ACTN4: variants seen among roughly 807,000 people sequenced by gnomAD.
ACTN4 encodes alpha-actinin-4.
A neutral mutation model predicts 114.2 loss-of-function variants in ACTN4; 18 were observed. The ratio of observed to expected loss-of-function variants is 0.16; its 90% CI spans 0.11 to 0.23. ACTN4 has a LOEUF of 0.23. Among genes scored for constraint, ACTN4 ranks in the 10% least tolerant of loss-of-function variants. ACTN4 has a pLI of 1.00. For synonymous variants in ACTN4, 515 were observed against 506.3 expected (o/e 1.02, Z -0.23); for missense variants, 722 against 1,262.9 (o/e 0.57, Z 6.49).
intron 1 of ACTN4, among the ~76,000 whole-genome samples, chr19:38,690,105 A>G (rs1253214679): frequency 6.6e-6 from 1 of 152,250 alleles, no homozygotes; most frequent in African/African-American, 2.4e-5. Flanking sequence ...AGGAGGGACA[A>G]TGATTGGGAT....
chr19:38,728,445 T>TCCTCCTCCTCCTCCTCCC, intron 19 of ACTN4: 2 of 828,870 alleles, frequency 2.4e-6, no homozygotes, highest in Non-Finnish European at 3.1e-6. Flanking sequence ...CTCCTCCTCC[T>TCCTCCTCCTCCTCCTCCC]CCTCCCCCCC....
rs1205931390 is a variant in ACTN4, at chr19:38,717,776, C to G, written c.1144-151C>G. 2.9e-6 allele frequency: 3 copies of G among 1,030,808 alleles called. No individual in the cohort carries two copies. Among genetic ancestry groups the G allele is most frequent in the African/African-American group, 3.2e-5 (2 of 63,158 alleles). 63.9% of individuals were successfully genotyped at this position (1,030,808 alleles called of 1,614,324 possible). A position where few individuals can be genotyped will look rare whatever the true frequency, so the allele number is the denominator to read the frequency against. ...TTGTACCTGCTGAGTGCTGGGGGGCCCTGTGTAGGCATCCAGGTATAATAG... is the reference window on the plus strand; with the variant it reads ...TTGTACCTGCTGAGTGCTGGGGGGCGCTGTGTAGGCATCCAGGTATAATAG... On this transcript the variant is annotated intron_variant, in intron 10 of 20. Transcript: ENST00000252699. The surrounding 1 kb of genome is among the most constrained non-coding windows in gnomAD (Gnocchi z 4.0).
Position 38,729,313 on chromosome 19 carries a change from C to T in ACTN4, c.2617C>T (p.Pro873Ser), listed in dbSNP as rs771969423. ...TGAGGAGCTGCGGAGAGAGCTGCCC[C>T]CCGACCAGGCCGAGTACTGCATCGC... ...TAEELRRELP[P>S]DQAEYCIARM... Residue 873 changes from proline to serine, a missense_variant, in exon 21 of 21, where the codon CCC becomes TCC. Transcript: ENST00000252699. 19 of 1,612,870 alleles carry T rather than the reference C, an allele frequency of 1.2e-5. No individual in the cohort carries two copies. The highest frequency in any genetic ancestry group is 1.5e-5 in the Non-Finnish European group (18 of 1,180,004).
In ACTN4 at chr19:38,729,768, G is replaced by C. The variant is rs1187422528; in HGVS notation, c.*336G>C. 3.9e-5 allele frequency: 20 copies of C among 516,890 alleles called. No homozygotes were observed. The Admixed American group carries it at 4.6e-4, about 12-fold the overall frequency. The allele number at this position is 516,890 out of a possible 1,614,324, so 32.0% of individuals were successfully genotyped here. A position where few individuals can be genotyped will look rare whatever the true frequency, so the allele number is the denominator to read the frequency against. Reference sequence around the variant, plus strand: ...GCCCTGGGATGCCTCACCACACCCAGGTCTCTTCCTTTGCTCTGAGGTCCC... The same window carrying C: ...GCCCTGGGATGCCTCACCACACCCACGTCTCTTCCTTTGCTCTGAGGTCCC... On this transcript the variant is annotated 3_prime_UTR_variant, in exon 21 of 21. Transcript: ENST00000252699.
chr19:38,701,160 T>G (rs769270722), intron 3 of ACTN4, 39 bp downstream of exon 3: 1 of 1,612,760 alleles, frequency 6.2e-7, no homozygotes, highest in South Asian at 1.1e-5. Flanking sequence ...CTGCTCGGTT[T>G]CTGACCTTTA....
chr19:38,661,208 G>C (rs934030417), intron 1 of ACTN4, among the ~76,000 whole-genome samples: 1 of 152,192 alleles, frequency 6.6e-6, no homozygotes, highest in Non-Finnish European at 1.5e-5. Flanking sequence ...GGAACCTCAT[G>C]CTTCCAGGAC....
intron 9 of ACTN4, among the ~76,000 whole-genome samples, chr19:38,716,080 T>G (rs1968831385): frequency 6.6e-6 from 1 of 152,054 alleles, no homozygotes; most frequent in South Asian, 2.1e-4. Context: ...TTTTGTATTT[T>G]TTTTAGTAGA....
intron 6 of ACTN4, among the ~76,000 whole-genome samples, chr19:38,708,477 C>T (rs577658488): frequency 2.2e-4 from 33 of 152,338 alleles, no homozygotes; most frequent in Admixed American, 7.2e-4. Flanking sequence ...TTTATAACTC[C>T]CCTTCCTCAA....
intron 1 of ACTN4, among the ~76,000 whole-genome samples, chr19:38,681,217 C>G (rs993267727): frequency 2.0e-5 from 3 of 149,944 alleles, no homozygotes; most frequent in African/African-American, 4.9e-5. Context: ...GGACAGATGA[C>G]TTAACCACTC....
chr19:38,679,357 C>T (rs1967476481), intron 1 of ACTN4, among the ~76,000 whole-genome samples: 1 of 152,156 alleles, frequency 6.6e-6, no homozygotes, highest in Admixed American at 6.5e-5. Flanking sequence ...GCTGGGGATA[C>T]AGGTGCTGGT....
At chr19:38,656,298 G>T (rs1451929485) in intron 1 of ACTN4, among the ~76,000 whole-genome samples, 1 of 152,118 alleles carries the variant, frequency 6.6e-6, no homozygotes, top group African/African-American at 2.4e-5. Context: ...TTTTTGTAGA[G>T]ATGGGGTTTT....
At chr19:38,708,275 C>T in intron 6 of ACTN4, 80 bp downstream of exon 6, 1 of 1,464,914 alleles carries the variant, frequency 6.8e-7, no homozygotes, top group Non-Finnish European at 9.5e-7. Context: ...ATCCCCATGC[C>T]CTTCCATCGC....
chr19:38,659,065 C>CTTTTTTTTTTTTTTTT lies in ACTN4; in HGVS notation c.162+11171_162+11172insTTTTTTTTTTTTTTTT, dbSNP rs577141157. ...TAACTTTTTTTTCTTCTTTTCTTTT[C>CTTTTTTTTTTTTTTTT]TTTTTTTTTTTTTGAGACGGAGTCT... On this transcript the variant is annotated intron_variant, in intron 1 of 20. Transcript: ENST00000252699. Among the ~76,000 whole-genome samples the CTTTTTTTTTTTTTTTT allele has an allele frequency of 2.6e-3, 290 of 111,662 alleles. 15 individuals are homozygous for CTTTTTTTTTTTTTTTT. The highest frequency in any genetic ancestry group is 6.8e-3 in the East Asian group (27 of 3,944). 73.3% of individuals were successfully genotyped at this position (111,662 alleles called of 152,430 possible). A position where few individuals can be genotyped will look rare whatever the true frequency, so the allele number is the denominator to read the frequency against.
At chr19:38,707,390 T>G (rs928388158) in intron 5 of ACTN4, among the ~76,000 whole-genome samples, 1 of 152,022 alleles carries the variant, frequency 6.6e-6, no homozygotes, top group Non-Finnish European at 1.5e-5. Context: ...GCAGCATAAC[T>G]TCAGTGAGAA....
In ACTN4 at chr19:38,718,050, T is replaced by A. The variant is rs1170068378; in HGVS notation, c.1267T>A (p.Ser423Thr). The A allele has an allele frequency of 1.9e-6, 3 of 1,609,324 alleles. No individual in the cohort carries two copies. The highest frequency in any genetic ancestry group is 2.5e-6 in the Non-Finnish European group (3 of 1,178,124). ...GGCAGAGAAGTTCCGGCAGAAGGCC[T>A]CCATCCACGAGGCCTGGACTGACGG... Reference protein sequence around the residue: ...HLAEKFRQKASIHEAWTDGKE... With the variant: ...HLAEKFRQKATIHEAWTDGKE... Residue 423 changes from serine (S) to threonine (T), a missense_variant, in exon 11 of 21, where the codon TCC (serine) becomes ACC (threonine). Physicochemically the swap from Ser to Thr is moderately conservative, Grantham distance 58. Transcript: ENST00000252699.
intron 1 of ACTN4, among the ~76,000 whole-genome samples, chr19:38,673,585 A>T (rs1201559888): frequency 8.6e-6 from 1 of 115,776 alleles, no homozygotes; most frequent in South Asian, 2.4e-4. Context: ...ATTCATATAT[A>T]TTTATATATA....
intron 1 of ACTN4, among the ~76,000 whole-genome samples, chr19:38,653,775 G>C (rs563454850): frequency 8.7e-4 from 132 of 152,124 alleles, no homozygotes; most frequent in Non-Finnish European, 1.5e-3. Flanking sequence ...TTTTTCCTCC[G>C]TTTCTTTTTT....
At chr19:38,653,343 T>C (rs77405583) in intron 1 of ACTN4, among the ~76,000 whole-genome samples, 2,141 of 152,150 alleles carry the variant, frequency 0.014, 56 homozygotes, top group African/African-American at 0.047. Context: ...ACACTTTCCG[T>C]TTTTGCTACA....
intron 1 of ACTN4, among the ~76,000 whole-genome samples, chr19:38,696,394 C>T (rs943674598): frequency 7.2e-5 from 11 of 152,170 alleles, no homozygotes; most frequent in African/African-American, 1.9e-4. Flanking sequence ...TGGTGGAGGG[C>T]GGCGTGGTGG....
Sources: gnomAD v4.1 joint callset for allele counts (sites outside exome capture counted in the v4.1 genomes callset) on GRCh38, gnomAD v4.1.1 for gene constraint, Gnocchi (gnomAD v3.1) non-coding constraint, MANE v1.5 for transcripts, NCBI Gene and HGNC (gene_info 2026-07-23, HGNC 2026-07-21) for gene names.